ZBTB49: variants seen among roughly 807,000 people sequenced by gnomAD.
The protein encoded by ZBTB49 is zinc finger and BTB domain containing 49, also known as zinc finger and BTB domain-containing protein 49.
In ZBTB49, 43 loss-of-function variants were observed where a neutral mutation model predicts 57.5. The observed-to-expected ratio is 0.75, with a 90% CI of 0.59 to 0.97. The LOEUF (loss-of-function observed/expected upper bound fraction) is 0.97. ZBTB49 is among the 50% of genes least tolerant of loss of function. The pLI is 0.00. For missense variants in ZBTB49, 938 were observed against 947.7 expected (o/e 0.99, Z 0.13); for synonymous variants, 369 against 362.1 (o/e 1.02, Z -0.22).
At chr4:4,315,547 C>A in intron 5 of ZBTB49, 89 bp from the exon 6 acceptor site, 1 of 1,244,336 alleles carries the variant, frequency 8.0e-7, no homozygotes, top group Non-Finnish European at 1.1e-6. Context: ...GTGTCAGGAG[C>A]AGGTATCTCC....
At chr4:4,291,746 A>G (rs1207355558) in intron 1 of ZBTB49, among the ~76,000 whole-genome samples, 1 of 152,154 alleles carries the variant, frequency 6.6e-6, no homozygotes. Flanking sequence ...TAGTCTGGCA[A>G]ACTTAACTCA....
chr4:4,308,568 G>A (rs974056074), intron 4 of ZBTB49, among the ~76,000 whole-genome samples: 41 of 152,310 alleles, frequency 2.7e-4, no homozygotes, highest in African/African-American at 9.9e-4. Context: ...GTCATACATA[G>A]TGATAGTTTT....
chr4:4,299,776 G>GTTGTGTGTGT (rs1553803868), intron 1 of ZBTB49, among the ~76,000 whole-genome samples, 151 bp from the exon 2 acceptor site: 8,818 of 103,406 alleles, frequency 0.085, 426 homozygotes, highest in Admixed American at 0.18. Context: ...CAGAAACAGA[G>GTTGTGTGTGT]GTGTGTGTGT....
Position 4,302,440 on chromosome 4 carries a change from T to A in ZBTB49, c.604T>A (p.Cys202Ser), listed in dbSNP as rs747792026. 1 of 1,614,110 alleles carries A rather than the reference T, an allele frequency of 6.2e-7. No homozygotes were observed. Among genetic ancestry groups the A allele is most frequent in the Non-Finnish European group, 8.5e-7 (1 of 1,180,044 alleles). Residue 202 changes from cysteine (C) to serine (S), a missense_variant, in exon 3 of 8, where the codon TGC becomes AGC. Cys to Ser is a moderately radical substitution (Grantham distance 112). Transcript: ENST00000337872. ...AGCTCCTGATACTTCAGATGGCAGC[T>A]GCACAGAACTGCCTTTCAAACAGCC... The part of the protein sequence containing the change: ...KQAPDTSDGS[C>S]TELPFKQPNY...
Position 4,312,943 on chromosome 4 carries a change from A to G in ZBTB49, c.1303-98A>G. ...CATCTTCATCTGGAATTTGAATTGG[A>G]ACCTGGCTAAATGTGTCAGTTTTCC... On this transcript the variant is annotated intron_variant, in intron 4 of 7. Transcript: ENST00000337872. 4 of 1,302,814 alleles carry G rather than the reference A, an allele frequency of 3.1e-6. No individual in the cohort carries two copies. In the South Asian group the frequency reaches 5.3e-5, roughly 17 times the overall value. The allele number at this position is 1,302,814 out of a possible 1,614,324, so 80.7% of individuals were successfully genotyped here. A position where few individuals can be genotyped will look rare whatever the true frequency, so the allele number is the denominator to read the frequency against.
intron 1 of ZBTB49, among the ~76,000 whole-genome samples, chr4:4,292,110 G>A (rs903193531): frequency 2.0e-5 from 3 of 151,584 alleles, no homozygotes; most frequent in Non-Finnish European, 4.4e-5. Context: ...CCCACCCCTC[G>A]TCCTTACTAA....
chr4:4,321,341 G>A lies in ZBTB49; in HGVS notation c.*25G>A, dbSNP rs761687494. On this transcript the variant is annotated 3_prime_UTR_variant, in exon 8 of 8. Transcript: ENST00000337872. The stretch of plus-strand genomic sequence containing the variant: ...ATGTACCGCGCTTCTCCACGGTAGA[G>A]GCGTGTTCTCAGTTTAGCAGGCTGG... The A allele has an allele frequency of 3.1e-6, 5 of 1,600,366 alleles. No individual in the cohort carries two copies. The South Asian group carries it at 5.5e-5, about 18-fold the overall frequency.
chr4:4,300,224 T>C, intron 2 of ZBTB49, 127 bp downstream of exon 2: 1 of 1,087,566 alleles, frequency 9.2e-7, no homozygotes, highest in South Asian at 2.4e-5. Context: ...TTGGATTTTG[T>C]AGGAGTTGTT....
chr4:4,319,170 G>A (rs529080943), intron 7 of ZBTB49, among the ~76,000 whole-genome samples: 1 of 152,042 alleles, frequency 6.6e-6, no homozygotes, highest in South Asian at 2.1e-4. Context: ...TGGAACTACA[G>A]GTGTGAGCCA....
intron 1 of ZBTB49, among the ~76,000 whole-genome samples, chr4:4,293,584 T>C (rs1416246223): frequency 6.6e-6 from 1 of 152,246 alleles, no homozygotes; most frequent in Non-Finnish European, 1.5e-5. Flanking sequence ...CCAAATTTAG[T>C]GACTCAAAAA....
rs765117769 is a variant in ZBTB49, at chr4:4,320,709, C to T, written c.1691C>T (p.Thr564Ile). The change falls in exon 8 of 8, where the codon ACA (threonine) becomes ATA (isoleucine). Residue 564 changes from threonine (T) to isoleucine (I), a missense_variant. Around this residue, in one of 3 missense-constraint regions of ZBTB49, gnomAD observed 835 missense variants for 819.1 expected, o/e 1.02. Transcript: ENST00000337872. ...ACTCACACTGGGGAGAAGCCGTACA[C>T]ATGTGAGATCTGTAACAAGTGCTTT... is the stretch of plus-strand genomic sequence containing the variant. ...VRTHTGEKPY[T>I]CEICNKCFTR... is the part of the protein sequence containing the mutation. 4 of 1,614,228 alleles carry T rather than the reference C, an allele frequency of 2.5e-6. No individual in the cohort carries two copies. The East Asian group carries it at 6.7e-5, about 27-fold the overall frequency.
Position 4,302,444 on chromosome 4 carries a change from C to T in ZBTB49, c.608C>T (p.Thr203Ile). Residue 203 changes from threonine to isoleucine, a missense_variant, in exon 3 of 8, where the codon ACA becomes ATA. Transcript: ENST00000337872. ...CCTGATACTTCAGATGGCAGCTGCA[C>T]AGAACTGCCTTTCAAACAGCCAAAT... is the stretch of plus-strand genomic sequence containing the variant. ...QAPDTSDGSC[T>I]ELPFKQPNYY... 1.2e-6 allele frequency: 2 copies of T among 1,614,212 alleles called. No homozygotes were observed. The highest frequency in any genetic ancestry group is 1.7e-6 in the Non-Finnish European group (2 of 1,180,032).
Position 4,302,489 on chromosome 4 carries a change from A to T in ZBTB49, c.653A>T (p.Asn218Ile), listed in dbSNP as rs759565033. ...KQPNYYYKLRNFYSKQYHKHA... is the reference protein window; with the variant it reads ...KQPNYYYKLRIFYSKQYHKHA... ...CCAAATTACTATTACAAACTCAGAA[A>T]CTTTTACAGTAAGCAGTACCATAAA... Residue 218 changes from asparagine (N) to isoleucine (I), a missense_variant, in exon 3 of 8, where the codon AAC becomes ATC. Physicochemically the swap from Asn to Ile is moderately radical, Grantham distance 149 (BLOSUM62 -3). Transcript: ENST00000337872. 11 of 1,614,022 alleles carry T rather than the reference A, an allele frequency of 6.8e-6. No homozygotes were observed. Among genetic ancestry groups the T allele is most frequent in the Admixed American group, 5.0e-5 (3 of 59,986 alleles).
chr4:4,292,993 C>G (rs1720016216), intron 1 of ZBTB49, among the ~76,000 whole-genome samples: 1 of 152,126 alleles, frequency 6.6e-6, no homozygotes, highest in African/African-American at 2.4e-5. Flanking sequence ...TACCATCTTT[C>G]CACCATCACA....
intron 4 of ZBTB49, among the ~76,000 whole-genome samples, chr4:4,311,293 T>C (rs1292194785): frequency 6.6e-6 from 1 of 152,222 alleles, no homozygotes; most frequent in East Asian, 1.9e-4. Context: ...ATACATAGTT[T>C]ACAAAATAAC....
intron 4 of ZBTB49, among the ~76,000 whole-genome samples, 161 bp from the exon 5 acceptor site, chr4:4,312,880 C>T (rs749415512): frequency 2.6e-5 from 4 of 152,206 alleles, no homozygotes; most frequent in South Asian, 2.1e-4. Context: ...CTGCTCTTCA[C>T]GCTCTTGCCC....
At position 4,320,746 on chromosome 4, in the gene ZBTB49, G is replaced by C. The variant is rs757435558; in HGVS notation, c.1728G>C (p.Ala576=). ...EICNKCFTRS[A]VLRRHKKMHC... The stretch of plus-strand genomic sequence containing the variant: ...GTAACAAGTGCTTTACCCGCTCTGC[G>C]GTGCTCCGGCGGCACAAGAAGATGC... Residue 576 remains alanine (A), a synonymous_variant, in exon 8 of 8, where the codon GCG becomes GCC. Transcript: ENST00000337872. The C allele has an allele frequency of 1.9e-6, 3 of 1,614,098 alleles. No individual in the cohort carries two copies. Among genetic ancestry groups the C allele is most frequent in the African/African-American group, 1.3e-5 (1 of 74,922 alleles).
Position 4,302,467 on chromosome 4 carries a change from A to G in ZBTB49, c.631A>G (p.Asn211Asp). 6.2e-7 allele frequency: 1 copy of G among 1,614,162 alleles called. No homozygotes were observed. Among genetic ancestry groups the G allele is most frequent in the Middle Eastern group, 1.6e-4 (1 of 6,062 alleles). Reference sequence around the variant, plus strand: ...CACAGAACTGCCTTTCAAACAGCCAAATTACTATTACAAACTCAGAAACTT... The same window carrying G: ...CACAGAACTGCCTTTCAAACAGCCAGATTACTATTACAAACTCAGAAACTT... The part of the protein sequence containing the change: ...SCTELPFKQP[N>D]YYYKLRNFYS... Residue 211 changes from asparagine to aspartate, a missense_variant, in exon 3 of 8, where the codon AAT (asparagine) becomes GAT (aspartate). By Grantham distance (23) the Asn-to-Asp change is conservative (BLOSUM62 1). This residue lies in a region of ZBTB49 where 835 missense variants were observed against 819.1 expected (regional missense o/e 1.02). Transcript: ENST00000337872.
intron 5 of ZBTB49, among the ~76,000 whole-genome samples, chr4:4,315,041 A>T (rs1472455610): frequency 6.6e-6 from 1 of 152,112 alleles, no homozygotes; most frequent in East Asian, 1.9e-4. Context: ...GAAAGAGGAG[A>T]GCTTATTCTC....
Sources: gnomAD v4.1 joint callset for allele counts (sites outside exome capture counted in the v4.1 genomes callset) on GRCh38, gnomAD v4.1.1 for gene constraint, gnomAD v4.1.1 regional missense constraint, MANE v1.5 for transcripts, NCBI Gene and HGNC (gene_info 2026-07-23, HGNC 2026-07-21) for gene names.